The following UTRN variants were observed in gnomAD, a reference collection of about 807,000 sequenced individuals.
UTRN encodes utrophin.
In UTRN, 283 loss-of-function variants were observed where a neutral mutation model predicts 463.9. That is an observed-to-expected ratio of 0.61 (90% CI 0.55 to 0.67). UTRN has a LOEUF of 0.67. Ranked by LOEUF, UTRN falls within the 30% of genes least tolerant of loss-of-function variation. The pLI, the probability that UTRN is intolerant of heterozygous loss-of-function variation, is 0.00. For missense variants in UTRN, 3,922 were observed against 4,084.3 expected, an observed-to-expected ratio of 0.96 and a Z score of 1.08; for synonymous variants, 1,442 against 1,431.5, an observed-to-expected ratio of 1.01 and a Z score of -0.17.
At chr6:144,516,450 T>G (rs1039244527) in intron 38 of UTRN, 63 bp downstream of exon 38, 1 of 1,522,702 alleles carries the variant, frequency 6.6e-7, no homozygotes, top group Non-Finnish European at 8.9e-7. Flanking sequence ...AATTTCATTT[T>G]TACATCAAGA....
intron 28 of UTRN, among the ~76,000 whole-genome samples, chr6:144,487,304 G>A (rs1792560441): frequency 1.3e-5 from 2 of 152,066 alleles, no homozygotes; most frequent in Admixed American, 1.3e-4. Context: ...ATTAATAATA[G>A]TTGAAATTAT....
chr6:144,618,148 A>T (rs192021600), intron 51 of UTRN, among the ~76,000 whole-genome samples: 1 of 152,294 alleles, frequency 6.6e-6, no homozygotes, highest in Admixed American at 6.5e-5. Flanking sequence ...CATTCAGAGA[A>T]GCCATCTGTC....
chr6:144,333,836 T>C (rs1776510045), intron 2 of UTRN, among the ~76,000 whole-genome samples: 1 of 151,614 alleles, frequency 6.6e-6, no homozygotes, highest in African/African-American at 2.4e-5. Flanking sequence ...TATCTTTATT[T>C]GTGAAGAAAA....
At chr6:144,433,939 G>T (rs1386402535) in intron 9 of UTRN, among the ~76,000 whole-genome samples, 3 of 152,200 alleles carry the variant, frequency 2.0e-5, no homozygotes, top group East Asian at 1.9e-4. Flanking sequence ...CCCAGACGGG[G>T]TGGCAGCCGG....
At chr6:144,505,852 G>A (rs932542317) in intron 34 of UTRN, among the ~76,000 whole-genome samples, 2 of 152,154 alleles carry the variant, frequency 1.3e-5, no homozygotes, top group Non-Finnish European at 2.9e-5. Context: ...TGCCAGTTGG[G>A]CGTTAAAGTA....
chr6:144,494,443 G>A (rs1266853716), intron 33 of UTRN, among the ~76,000 whole-genome samples: 1 of 152,212 alleles, frequency 6.6e-6, no homozygotes, highest in African/African-American at 2.4e-5. Context: ...GCTCATAAAA[G>A]CAGTGTGGAC....
At chr6:144,535,895 C>CAAGTGTGTGAG (rs1365068097) in intron 43 of UTRN, among the ~76,000 whole-genome samples, 3 of 152,134 alleles carry the variant, frequency 2.0e-5, no homozygotes, top group Admixed American at 2.0e-4. Context: ...TCCTCTCACC[C>CAAGTGTGTGAG]TAGTCTTCTG....
chr6:144,350,343 AGTTTC>A (rs560023986), intron 2 of UTRN, among the ~76,000 whole-genome samples: 1 of 152,004 alleles, frequency 6.6e-6, no homozygotes, highest in Non-Finnish European at 1.5e-5. Flanking sequence ...CATTGTTAAT[AGTTTC>A]GTTTCTTCTG....
intron 34 of UTRN, among the ~76,000 whole-genome samples, chr6:144,510,724 G>C (rs760250477): frequency 2.2e-4 from 33 of 151,960 alleles, no homozygotes; most frequent in Non-Finnish European, 4.1e-4. Flanking sequence ...TACACTCACT[G>C]GTATTTGTTG....
intron 51 of UTRN, among the ~76,000 whole-genome samples, chr6:144,621,572 G>A (rs1585613380): frequency 6.6e-6 from 1 of 152,184 alleles, no homozygotes; most frequent in Non-Finnish European, 1.5e-5. Context: ...TTCTCTCCTT[G>A]ATGGCAATGC....
intron 53 of UTRN, among the ~76,000 whole-genome samples, chr6:144,704,706 G>C (rs1054699755): frequency 6.6e-6 from 1 of 152,178 alleles, no homozygotes; most frequent in Non-Finnish European, 1.5e-5. Flanking sequence ...GCTCACACCT[G>C]TAATCCTAGC....
intron 42 of UTRN, among the ~76,000 whole-genome samples, chr6:144,531,803 G>T (rs771998250): frequency 2.0e-4 from 31 of 151,980 alleles, no homozygotes; most frequent in Non-Finnish European, 4.0e-4. Flanking sequence ...TATTTAGAAG[G>T]ACATGACAAT....
intron 5 of UTRN, 148 bp downstream of exon 5, chr6:144,423,774 G>GA: frequency 9.7e-7 from 1 of 1,028,290 alleles, no homozygotes; most frequent in South Asian, 1.5e-5. Context: ...TGTGAGTGAA[G>GA]AAACAGTCAT....
intron 2 of UTRN, among the ~76,000 whole-genome samples, chr6:144,360,864 A>T (rs879919329): frequency 1.5e-4 from 23 of 152,106 alleles, no homozygotes; most frequent in Non-Finnish European, 3.1e-4. Context: ...ACTCCCTAGC[A>T]GTGTTTCCTG....
At chr6:144,393,981 A>G (rs1318433832) in intron 2 of UTRN, among the ~76,000 whole-genome samples, 2 of 152,188 alleles carry the variant, frequency 1.3e-5, no homozygotes, top group South Asian at 2.1e-4. Context: ...TGGAAAGATC[A>G]GTGCTTTAAT....
At chr6:144,840,301 T>C (rs1458591805) in intron 72 of UTRN, among the ~76,000 whole-genome samples, 1 of 152,188 alleles carries the variant, frequency 6.6e-6, no homozygotes, top group African/African-American at 2.4e-5. Context: ...TTAAATAAGA[T>C]GCCTTTACTT....
At chr6:144,653,198 G>T (rs544603696) in intron 51 of UTRN, among the ~76,000 whole-genome samples, 9 of 152,126 alleles carry the variant, frequency 5.9e-5, no homozygotes, top group African/African-American at 1.9e-4. Context: ...GATTGTACCT[G>T]TACATAACTA....
intron 2 of UTRN, among the ~76,000 whole-genome samples, chr6:144,372,513 G>C (rs1237604773): frequency 1.3e-5 from 2 of 150,500 alleles, no homozygotes; most frequent in East Asian, 3.9e-4. Flanking sequence ...ATTTTTTTTT[G>C]AGATGGAGTC....
At chr6:144,297,562 T>G (rs1804837813) in intron 2 of UTRN, among the ~76,000 whole-genome samples, 1 of 152,220 alleles carries the variant, frequency 6.6e-6, no homozygotes, top group Non-Finnish European at 1.5e-5. Context: ...ATAGTTCATT[T>G]TTTGTTTCTC....
Sources: gnomAD v4.1 joint callset for allele counts (sites outside exome capture counted in the v4.1 genomes callset) on GRCh38, gnomAD v4.1.1 for gene constraint, MANE v1.5 for transcripts, NCBI Gene and HGNC (gene_info 2026-07-23, HGNC 2026-07-21) for gene names.